Variants in CCDC13 observed in about 807,000 individuals in gnomAD.
CCDC13 encodes coiled-coil domain containing 13, also known as coiled-coil domain-containing protein 13.
CCDC13 carries 70 observed loss-of-function variants against 87.3 expected under a neutral mutation model. The observed-to-expected ratio is 0.80, with a 90% confidence interval of 0.66 to 0.98. The LOEUF (loss-of-function observed/expected upper bound fraction) is 0.98. Among genes scored for constraint, CCDC13 ranks in the 50% least tolerant of loss-of-function variants. The pLI, the probability that CCDC13 is intolerant of heterozygous loss-of-function variation, is 0.00. For missense variants in CCDC13, 842 were observed against 892.0 expected (o/e 0.94, Z 0.71); for synonymous variants, 317 against 360.3 (o/e 0.88, Z 1.36).
At chr3:42,765,853 A>T (rs757760892) in intron 1 of CCDC13, among the ~76,000 whole-genome samples, 2 of 152,146 alleles carry the variant, frequency 1.3e-5, no homozygotes, top group African/African-American at 2.4e-5. Context: ...AGGGCAGGGC[A>T]CATTTGGGGA....
chr3:42,768,961 A>G (rs2125916063), intron 1 of CCDC13, among the ~76,000 whole-genome samples: 1 of 152,216 alleles, frequency 6.6e-6, no homozygotes, highest in South Asian at 2.1e-4. Context: ...AACATGGTTA[A>G]ACCCTGTGTC....
chr3:42,771,234 C>G (rs1410608145), intron 1 of CCDC13, among the ~76,000 whole-genome samples: 1 of 152,140 alleles, frequency 6.6e-6, no homozygotes, highest in Non-Finnish European at 1.5e-5. Flanking sequence ...TAATTGCAAA[C>G]TGTATAATAT....
chr3:42,742,439 C>T (rs1319314796), intron 8 of CCDC13, among the ~76,000 whole-genome samples: 2 of 152,200 alleles, frequency 1.3e-5, no homozygotes, highest in African/African-American at 2.4e-5. Flanking sequence ...GGGCCAATGA[C>T]TTCCCTTTGT....
chr3:42,716,914 A>C (rs1384883298), intron 13 of CCDC13, among the ~76,000 whole-genome samples: 1 of 152,258 alleles, frequency 6.6e-6, no homozygotes, highest in African/African-American at 2.4e-5. Flanking sequence ...AGGTGGAAAC[A>C]ATCCAAGTGT....
intron 8 of CCDC13, among the ~76,000 whole-genome samples, chr3:42,740,101 C>T (rs549866863): frequency 1.8e-4 from 27 of 152,248 alleles, no homozygotes; most frequent in South Asian, 2.1e-4. Flanking sequence ...AGAGGAAAGC[C>T]GCCAGCCAAC....
chr3:42,717,986 C>A (rs1224028978), intron 13 of CCDC13: 1 of 152,136 alleles, frequency 6.6e-6, no homozygotes, highest in Non-Finnish European at 1.5e-5. Context: ...GTTGTTATTG[C>A]ATAATACCAC....
intron 1 of CCDC13, among the ~76,000 whole-genome samples, chr3:42,764,649 T>C (rs1575337134): frequency 6.6e-6 from 1 of 152,222 alleles, no homozygotes; most frequent in Non-Finnish European, 1.5e-5. Flanking sequence ...TTGTGGCTCC[T>C]GCTGTGGATT....
At chr3:42,757,349 T>A in intron 2 of CCDC13, 135 bp from the exon 3 acceptor site, 1 of 817,388 alleles carries the variant, frequency 1.2e-6, no homozygotes, top group Non-Finnish European at 1.9e-6. Flanking sequence ...AAGATTTCAA[T>A]GTCGTTCATT....
intron 1 of CCDC13, among the ~76,000 whole-genome samples, chr3:42,759,927 T>C (rs915100066): frequency 2.0e-5 from 3 of 152,046 alleles, no homozygotes; most frequent in African/African-American, 7.2e-5. Flanking sequence ...GCAATGGGAG[T>C]CCCAGTTGCG....
chr3:42,733,767 T>C, intron 10 of CCDC13, 158 bp from the exon 11 acceptor site: 1 of 374,804 alleles, frequency 2.7e-6, no homozygotes. Flanking sequence ...AGGCACTACT[T>C]GCATGATAAT....
chr3:42,751,059 G>A (rs1355834475), intron 5 of CCDC13, among the ~76,000 whole-genome samples: 4 of 152,152 alleles, frequency 2.6e-5, no homozygotes, highest in Non-Finnish European at 5.9e-5. Flanking sequence ...CATCCCCGCC[G>A]GAACCTGAGG....
intron 4 of CCDC13, 104 bp from the exon 5 acceptor site, chr3:42,752,129 G>T: frequency 2.1e-6 from 2 of 962,988 alleles, no homozygotes; most frequent in Non-Finnish European, 3.2e-6. Flanking sequence ...TTGGTGGTGT[G>T]TCCTTTTAGC....
chr3:42,761,262 C>A (rs1201799740), intron 1 of CCDC13, among the ~76,000 whole-genome samples: 1 of 152,194 alleles, frequency 6.6e-6, no homozygotes, highest in African/African-American at 2.4e-5. Flanking sequence ...AGGCTCATAA[C>A]CACCTTGGGG....
chr3:42,743,587 T>TTATATATATATATA lies in CCDC13; in HGVS notation c.826-544_826-531dup, dbSNP rs1553690701. ...CACAGGCAACTGTGCCTGGATAATTTTATATATATATATACACACACACAT... is the reference window on the plus strand; with the variant it reads ...CACAGGCAACTGTGCCTGGATAATTTTATATATATATATATATATATATATATACACACACACAT... On this transcript the variant is annotated intron_variant, in intron 7 of 15. Transcript: ENST00000310232. Among the ~76,000 whole-genome samples the TTATATATATATATA allele has an allele frequency of 5.1e-4, 50 of 97,678 alleles. 1 individual carries two copies. The South Asian group carries it at 6.2e-3, about 12-fold the overall frequency. 64.1% of individuals were successfully genotyped at this position (97,678 alleles called of 152,430 possible).
intron 13 of CCDC13, chr3:42,718,214 T>TA (rs573510593): frequency 5.9e-5 from 9 of 151,860 alleles, no homozygotes; most frequent in African/African-American, 9.7e-5. Flanking sequence ...CAGGTTACAG[T>TA]AAAAAAGGTG....
At chr3:42,717,025 G>A (rs115490699) in intron 13 of CCDC13, among the ~76,000 whole-genome samples, 60 of 152,322 alleles carry the variant, frequency 3.9e-4, no homozygotes, top group African/African-American at 1.4e-3. Context: ...GCTACCATAC[G>A]GATGAACCTT....
intron 14 of CCDC13, among the ~76,000 whole-genome samples, chr3:42,712,493 T>C (rs1175592703): frequency 6.6e-6 from 1 of 152,208 alleles, no homozygotes; most frequent in East Asian, 1.9e-4. Flanking sequence ...AAGGATAGCA[T>C]TTCCCAGCTT....
chr3:42,749,107 G>A (rs1295404734), intron 5 of CCDC13, among the ~76,000 whole-genome samples: 1 of 151,970 alleles, frequency 6.6e-6, no homozygotes, highest in Admixed American at 6.6e-5. Flanking sequence ...CTCCTGTCTG[G>A]CCGCCTGCCA....
At chr3:42,712,261 T>C (rs34549959) in intron 14 of CCDC13, among the ~76,000 whole-genome samples, 76,145 of 151,164 alleles carry the variant, frequency 0.5, 19,452 homozygotes, top group African/African-American at 0.61. Flanking sequence ...CCTCCAGCAT[T>C]CCAGCCTGGA....
Sources: gnomAD v4.1 joint callset for allele counts (sites outside exome capture counted in the v4.1 genomes callset) on GRCh38, gnomAD v4.1.1 for gene constraint, MANE v1.5 for transcripts, NCBI Gene and HGNC (gene_info 2026-07-23, HGNC 2026-07-21) for gene names.